Variants in CAMKK2 observed in about 807,000 individuals in gnomAD.
CAMKK2 encodes the protein calcium/calmodulin dependent protein kinase kinase 2.
A neutral mutation model predicts 67.2 loss-of-function variants in CAMKK2; 30 were observed. That is an observed-to-expected ratio of 0.45 (90% CI 0.33 to 0.61). CAMKK2 has a LOEUF of 0.61. CAMKK2 is among the 20% of genes least tolerant of loss of function. The probability of loss-of-function intolerance (pLI) is 0.02; values close to 1 mark genes in which losing one functional copy is unlikely to be tolerated. For synonymous variants in CAMKK2, 322 were observed against 326.2 expected, an observed-to-expected ratio of 0.99 and a Z score of 0.14; for missense variants, 643 against 802.0, an observed-to-expected ratio of 0.80 and a Z score of 2.39.
upstream of CAMKK2, chr12:121,297,553 A>C (rs200996734): frequency 3.3e-5 from 17 of 512,170 alleles, no homozygotes; most frequent in African/African-American, 5.8e-5. Flanking sequence ...CTGGAGCCTT[A>C]AGTGTGCGTT....
intron 1 of CAMKK2, among the ~76,000 whole-genome samples, 182 bp from the exon 2 acceptor site, chr12:121,274,767 T>G (rs1593435170): frequency 6.6e-6 from 1 of 151,910 alleles, no homozygotes; most frequent in East Asian, 1.9e-4. Flanking sequence ...GTCTGCATCT[T>G]CTTATATTTT....
At chr12:121,258,402 A>G (rs1007643709) in intron 7 of CAMKK2, among the ~76,000 whole-genome samples, 9 of 151,834 alleles carry the variant, frequency 5.9e-5, no homozygotes, top group African/African-American at 2.2e-4. Flanking sequence ...GCACAATCAT[A>G]GCTCACTGCA....
chr12:121,271,835 G>A (rs1217148657), intron 2 of CAMKK2, among the ~76,000 whole-genome samples: 2 of 152,138 alleles, frequency 1.3e-5, no homozygotes, highest in Non-Finnish European at 2.9e-5. Context: ...AGCCTCCCAA[G>A]TAGCTGGGAT....
In CAMKK2 at chr12:121,240,846, A is replaced by G; in HGVS notation, c.1620T>C (p.Pro540=). Residue 540 remains proline, a synonymous_variant, in exon 17 of 17, where the codon CCT becomes CCC. Coordinates refer to ENST00000404169, the MANE Select transcript of CAMKK2 (RefSeq NM_001270485.2). This position sits in a 1 kb window ranked among gnomAD's most constrained non-coding sequence, Gnocchi z 4.4. ...ELKEARQRRQ[P]PGHRPAPRGG... ...CACGGGGGGCGGGTCGGTGCCCTGG[A>G]GGTTGTCTTCGCTGCCTTGCTTCCT... 6.2e-7 allele frequency: 1 copy of G among 1,612,502 alleles called. No individual in the cohort carries two copies. The highest frequency in any genetic ancestry group is 8.5e-7 in the Non-Finnish European group (1 of 1,179,956).
intron 6 of CAMKK2, among the ~76,000 whole-genome samples, chr12:121,261,593 C>T (rs565288595): frequency 6.6e-6 from 1 of 152,360 alleles, no homozygotes; most frequent in Admixed American, 6.5e-5. Context: ...GCCTGAAGCC[C>T]TGAGCCATGC....
chr12:121,264,426 C>A (rs1894092302), intron 5 of CAMKK2, among the ~76,000 whole-genome samples: 1 of 151,964 alleles, frequency 6.6e-6, no homozygotes, highest in Non-Finnish European at 1.5e-5. Context: ...TTCTTGAGCC[C>A]AGGAGTTCAA....
chr12:121,270,034 G>T (rs1270945104), intron 3 of CAMKK2: 4 of 155,044 alleles, frequency 2.6e-5, no homozygotes, highest in Non-Finnish European at 1.4e-5. Flanking sequence ...GGGCGACACA[G>T]TGAAATTCAG....
chr12:121,248,144 A>C (rs1889875319), intron 14 of CAMKK2, among the ~76,000 whole-genome samples: 1 of 151,852 alleles, frequency 6.6e-6, no homozygotes, highest in Non-Finnish European at 1.5e-5. Context: ...AGCAATTCTC[A>C]CTCTCAGGAG....
chr12:121,264,252 C>T lies in CAMKK2; in HGVS notation c.626-313G>A, dbSNP rs572878995. Among the ~76,000 whole-genome samples the T allele has an allele frequency of 7.9e-5, 12 of 152,350 alleles. No homozygotes were observed. In the South Asian group the frequency reaches 2.5e-3, roughly 32 times the overall value. Reference sequence around the variant, plus strand: ...AGTCTAGCTCAGCAATCTCAACACCCAGGGTGAGTCAATCACTTCCCCTCT... The same window carrying T: ...AGTCTAGCTCAGCAATCTCAACACCTAGGGTGAGTCAATCACTTCCCCTCT... On this transcript the variant is annotated intron_variant, in intron 5 of 16. Coordinates refer to ENST00000404169, the MANE Select transcript of CAMKK2 (RefSeq NM_001270485.2).
intron 1 of CAMKK2, among the ~76,000 whole-genome samples, chr12:121,294,395 AC>A (rs1247380332): frequency 6.6e-6 from 1 of 152,052 alleles, no homozygotes; most frequent in Non-Finnish European, 1.5e-5. Flanking sequence ...GGGTGGGACC[AC>A]CCCCGGATGA....
chr12:121,284,152 T>C (rs564172625), intron 1 of CAMKK2, among the ~76,000 whole-genome samples: 5 of 152,354 alleles, frequency 3.3e-5, no homozygotes, highest in African/African-American at 1.2e-4. Context: ...AGTCACTGAA[T>C]GTCAGTGCAA....
At chr12:121,295,568 G>A (rs1014971110) in intron 1 of CAMKK2, among the ~76,000 whole-genome samples, 4 of 152,186 alleles carry the variant, frequency 2.6e-5, no homozygotes, top group South Asian at 2.1e-4. Context: ...GCTAGGGGAG[G>A]GGGAGTGGTA....
At chr12:121,263,212 G>C (rs982500868) in intron 6 of CAMKK2, among the ~76,000 whole-genome samples, 1 of 152,076 alleles carries the variant, frequency 6.6e-6, no homozygotes, top group Non-Finnish European at 1.5e-5. Flanking sequence ...TAGAGCAGGG[G>C]CTGGCAAACT....
At chr12:121,283,515 C>T (rs1472240307) in intron 1 of CAMKK2, among the ~76,000 whole-genome samples, 2 of 152,158 alleles carry the variant, frequency 1.3e-5, no homozygotes, top group Non-Finnish European at 2.9e-5. Flanking sequence ...ACTGGCCTTA[C>T]ACCAGGTTCA....
chr12:121,255,097 T>A (rs561230788), intron 9 of CAMKK2, among the ~76,000 whole-genome samples: 2 of 145,860 alleles, frequency 1.4e-5, no homozygotes, highest in African/African-American at 5.1e-5. Context: ...TCTTTAGTTT[T>A]GAGAGTTAGA....
At chr12:121,284,772 C>T (rs1320217483) in intron 1 of CAMKK2, among the ~76,000 whole-genome samples, 1 of 152,190 alleles carries the variant, frequency 6.6e-6, no homozygotes, top group Non-Finnish European at 1.5e-5. Flanking sequence ...GCTGGGACCT[C>T]GACCTGTGTT....
chr12:121,253,130 T>A lies in CAMKK2; in HGVS notation c.1107+143A>T. 1.4e-6 allele frequency: 1 copy of A among 697,562 alleles called. No individual in the cohort carries two copies. Among genetic ancestry groups the A allele is most frequent in the Non-Finnish European group, 2.4e-6 (1 of 409,944 alleles). The allele number at this position is 697,562 out of a possible 1,614,324, so 43.2% of individuals were successfully genotyped here. A position where few individuals can be genotyped will look rare whatever the true frequency, so the allele number is the denominator to read the frequency against. ...TGGTTTCTGTTTGAGTCCCTGGATC[T>A]AGCCAAGCCTGAAGCCTACCCCTCA... On this transcript the variant is annotated intron_variant, in intron 10 of 16. Transcript: ENST00000404169. This position sits in a 1 kb window ranked among gnomAD's most constrained non-coding sequence, Gnocchi z 5.0.
At position 121,296,164 on chromosome 12, in the gene CAMKK2, G is replaced by T. The variant is rs2136702244; in HGVS notation, c.-60+474C>A. On this transcript the variant is annotated intron_variant, in intron 1 of 16. Coordinates refer to ENST00000404169, the MANE Select transcript of CAMKK2 (RefSeq NM_001270485.2). The surrounding 1 kb of genome is among the most constrained non-coding windows in gnomAD (Gnocchi z 7.1). ...TAGGGTCCTGCCACCTGGTGTCCAA[G>T]CCACCAGGGCCTGGGTTTGCCCCGA... is the stretch of plus-strand genomic sequence containing the variant. Among the ~76,000 whole-genome samples the T allele has an allele frequency of 6.6e-6, 1 of 152,286 alleles. No individual in the cohort carries two copies. Among genetic ancestry groups the T allele is most frequent in the South Asian group, 2.1e-4 (1 of 4,822 alleles).
At chr12:121,244,070 C>T (rs200181191) in intron 16 of CAMKK2, 156 of 1,605,652 alleles carry the variant, frequency 9.7e-5, no homozygotes, top group Non-Finnish European at 8.3e-5. Context: ...TGCATCCACT[C>T]GGGTGAGGGA....
Sources: gnomAD v4.1 joint callset for allele counts (sites outside exome capture counted in the v4.1 genomes callset) on GRCh38, gnomAD v4.1.1 for gene constraint, Gnocchi (gnomAD v3.1) non-coding constraint, MANE v1.5 for transcripts, NCBI Gene and HGNC (gene_info 2026-07-23, HGNC 2026-07-21) for gene names.